The following COL25A1 variants were observed in gnomAD, a reference collection of about 807,000 sequenced individuals.
COL25A1 encodes the protein collagen type XXV alpha 1 chain.
COL25A1 carries 103 observed loss-of-function variants against 128.4 expected under a neutral mutation model. That is an observed-to-expected ratio of 0.80 (90% CI 0.68 to 0.94). The LOEUF is 0.94. Among genes scored for constraint, COL25A1 ranks in the 40% least tolerant of loss-of-function variants. The pLI is 0.00. For missense variants in COL25A1, 745 were observed against 840.0 expected (o/e 0.89, Z 1.40); for synonymous variants, 279 against 277.2 (o/e 1.01, Z -0.06).
chr4:109,186,725 G>A (rs1222163239), intron 3 of COL25A1, among the ~76,000 whole-genome samples: 1 of 152,182 alleles, frequency 6.6e-6, no homozygotes, highest in African/African-American at 2.4e-5. Context: ...ATAATTCTGA[G>A]TCCCTCTAAA....
At chr4:109,045,139 T>G (rs1760304459) in intron 5 of COL25A1, among the ~76,000 whole-genome samples, 1 of 152,202 alleles carries the variant, frequency 6.6e-6, no homozygotes, top group Non-Finnish European at 1.5e-5. Context: ...AATAATATCT[T>G]TTCTCTAGCT....
At chr4:108,928,885 G>A (rs899537313) in intron 11 of COL25A1, among the ~76,000 whole-genome samples, 1 of 152,118 alleles carries the variant, frequency 6.6e-6, no homozygotes, top group Non-Finnish European at 1.5e-5. Context: ...AGCTAATGGT[G>A]ACTGCATTGA....
At chr4:108,828,495 T>C (rs1431632686) in intron 32 of COL25A1, among the ~76,000 whole-genome samples, 1 of 152,198 alleles carries the variant, frequency 6.6e-6, no homozygotes, top group Non-Finnish European at 1.5e-5. Context: ...AGGTATATGT[T>C]ATCTTCCTCA....
rs191005277 is a variant in COL25A1 at position 108,899,847 on chromosome 4, T to A, written c.835-667A>T. ...ATTCAAAATGATGACCTGGATAGCATGAGGACTAAAATGCAAAATGGTGCC... is the reference window on the plus strand; with the variant it reads ...ATTCAAAATGATGACCTGGATAGCAAGAGGACTAAAATGCAAAATGGTGCC... On this transcript the variant is annotated intron_variant, in intron 14 of 37. Coordinates refer to ENST00000399132, the MANE Select transcript of COL25A1 (RefSeq NM_198721.4). Among the ~76,000 whole-genome samples, 31 of 152,188 alleles carry A rather than the reference T, an allele frequency of 2.0e-4. No individual in the cohort carries two copies. In the East Asian group the frequency reaches 3.9e-3, roughly 19 times the overall value.
At chr4:109,267,764 G>C (rs115666532) in intron 3 of COL25A1, among the ~76,000 whole-genome samples, 1 of 152,014 alleles carries the variant, frequency 6.6e-6, no homozygotes, top group African/African-American at 2.4e-5. Flanking sequence ...TCAACTGTAA[G>C]TATATAATGC....
intron 3 of COL25A1, among the ~76,000 whole-genome samples, chr4:109,069,132 AT>A (rs1405621330): frequency 2.7e-5 from 4 of 150,916 alleles, no homozygotes; most frequent in Non-Finnish European, 4.4e-5. Flanking sequence ...AACTTTAAAA[AT>A]TTTTTTTTGG....
At chr4:108,896,082 A>G (rs1408842415) in intron 16 of COL25A1, among the ~76,000 whole-genome samples, 1 of 151,424 alleles carries the variant, frequency 6.6e-6, no homozygotes, top group Non-Finnish European at 1.5e-5. Flanking sequence ...AGTAGCTGGG[A>G]CTACAGGCAC....
intron 3 of COL25A1, among the ~76,000 whole-genome samples, chr4:109,258,540 TA>T (rs1478100172): frequency 6.6e-6 from 1 of 152,214 alleles, no homozygotes; most frequent in African/African-American, 2.4e-5. Context: ...ATAAGTTCTT[TA>T]AAAATATCAG....
At chr4:109,191,929 G>A (rs1775655520) in intron 3 of COL25A1, among the ~76,000 whole-genome samples, 1 of 152,174 alleles carries the variant, frequency 6.6e-6, no homozygotes, top group South Asian at 2.1e-4. Flanking sequence ...GTAAAATGTG[G>A]CAACTTCTCT....
intron 3 of COL25A1, among the ~76,000 whole-genome samples, chr4:109,222,059 CTTTTTTT>C (rs3041336): frequency 3.5e-5 from 3 of 85,764 alleles, no homozygotes; most frequent in African/African-American, 5.2e-5. Flanking sequence ...TAAATAACTT[CTTTTTTT>C]TTTTTTTTTT....
At chr4:109,210,291 AT>A (rs1459849606) in intron 3 of COL25A1, among the ~76,000 whole-genome samples, 1 of 152,144 alleles carries the variant, frequency 6.6e-6, no homozygotes, top group Non-Finnish European at 1.5e-5. Flanking sequence ...TTATATTGAA[AT>A]TTTCACAATT....
chr4:109,024,516 G>A (rs573612568), intron 5 of COL25A1, among the ~76,000 whole-genome samples: 111 of 151,976 alleles, frequency 7.3e-4, no homozygotes, highest in Non-Finnish European at 1.3e-3. Flanking sequence ...AAGAGATGAA[G>A]AGGGAGAGAG....
intron 3 of COL25A1, among the ~76,000 whole-genome samples, chr4:109,090,810 TG>T (rs1431439638): frequency 2.6e-5 from 4 of 152,188 alleles, no homozygotes; most frequent in Admixed American, 2.6e-4. Flanking sequence ...AACAGTCTTT[TG>T]GACTCAGCAT....
At chr4:109,035,981 G>A (rs1560576660) in intron 5 of COL25A1, among the ~76,000 whole-genome samples, 3 of 151,974 alleles carry the variant, frequency 2.0e-5, no homozygotes, top group Non-Finnish European at 4.4e-5. Flanking sequence ...AGGCTGGAGT[G>A]CAGTGGCGTG....
chr4:109,275,822 C>T (rs1722784707), intron 3 of COL25A1, among the ~76,000 whole-genome samples: 1 of 151,986 alleles, frequency 6.6e-6, no homozygotes, highest in African/African-American at 2.4e-5. Flanking sequence ...TGTCACAGTC[C>T]CTAGGGTTTG....
chr4:109,186,422 A>G (rs1775135599), intron 3 of COL25A1, among the ~76,000 whole-genome samples: 1 of 152,220 alleles, frequency 6.6e-6, no homozygotes, highest in Admixed American at 6.6e-5. Flanking sequence ...AAATGACAGT[A>G]ATGTTTCAGA....
At chr4:108,942,746 G>T (rs1159510874) in intron 8 of COL25A1, among the ~76,000 whole-genome samples, 2 of 142,932 alleles carry the variant, frequency 1.4e-5, no homozygotes, top group Non-Finnish European at 3.0e-5. Flanking sequence ...CACCACATCT[G>T]GACTTTTTTT....
intron 3 of COL25A1, among the ~76,000 whole-genome samples, chr4:109,234,472 T>A (rs1779345141): frequency 6.6e-6 from 1 of 152,114 alleles, no homozygotes; most frequent in Non-Finnish European, 1.5e-5. Flanking sequence ...TTTGGTTTGT[T>A]AAGGGTTTCT....
intron 3 of COL25A1, among the ~76,000 whole-genome samples, chr4:109,293,402 G>A (rs935842448): frequency 1.3e-5 from 2 of 151,820 alleles, no homozygotes; most frequent in African/African-American, 4.8e-5. Flanking sequence ...GGTAAACAAG[G>A]GAAAAAATAG....
Sources: allele counts gnomAD v4.1 joint callset (sites outside exome capture counted in the v4.1 genomes callset), GRCh38; gene constraint gnomAD v4.1.1; transcripts MANE v1.5; gene names NCBI Gene and HGNC (gene_info 2026-07-23, HGNC 2026-07-21).